The following RGS22 variants were observed in gnomAD, a reference collection of about 807,000 sequenced individuals.
RGS22 encodes the protein regulator of G protein signaling 22, also known as regulator of G-protein signaling 22.
Under a neutral mutation model 172.9 loss-of-function variants are expected in RGS22, and 148 were observed. The observed-to-expected ratio is 0.86, with a 90% CI of 0.75 to 0.98. RGS22 has a LOEUF of 0.98. RGS22 is among the 50% of genes least tolerant of loss of function. The pLI is 0.00. For missense variants in RGS22, 1,347 were observed against 1,440.8 expected, an observed-to-expected ratio of 0.93 and a Z score of 1.05; for synonymous variants, 458 against 480.2, an observed-to-expected ratio of 0.95 and a Z score of 0.60.
intron 14 of RGS22, among the ~76,000 whole-genome samples, chr8:100,021,365 T>C (rs772069059): frequency 6.6e-6 from 1 of 152,208 alleles, no homozygotes; most frequent in Non-Finnish European, 1.5e-5. Flanking sequence ...TTCTGAATAG[T>C]CCTTATTTAG....
At position 100,051,675 on chromosome 8, in the gene RGS22, GTTTATACATATATATATT is replaced by G. The variant is rs1563670409; in HGVS notation, c.1689+1109_1689+1126del. Among the ~76,000 whole-genome samples, 49 of 17,676 alleles carry G rather than the reference GTTTATACATATATATATT, an allele frequency of 2.8e-3. 17 individuals carry two copies. Among genetic ancestry groups the G allele is most frequent in the East Asian group, 9.2e-3 (4 of 436 alleles). The allele number at this position is 17,676 out of a possible 152,430, so 11.6% of individuals were successfully genotyped here. A position where few individuals can be genotyped will look rare whatever the true frequency, so the allele number is the denominator to read the frequency against. Reference sequence around the variant, plus strand: ...CATATATAAATATATATTTATATATGTTTATACATATATATATTTATATATACGTATATATAAATATAT... The same window carrying G: ...CATATATAAATATATATTTATATATGTATATATACGTATATATAAATATAT... On this transcript the variant is annotated intron_variant, in intron 10 of 27. Coordinates refer to ENST00000360863, the MANE Select transcript of RGS22 (RefSeq NM_015668.5).
chr8:100,060,515 A>C (rs1810047315), intron 9 of RGS22, among the ~76,000 whole-genome samples: 1 of 150,736 alleles, frequency 6.6e-6, no homozygotes, highest in Non-Finnish European at 1.5e-5. Context: ...TGACAGCCAA[A>C]TCAGGAACAT....
intron 23 of RGS22, among the ~76,000 whole-genome samples, chr8:99,977,652 A>G (rs887014568): frequency 1.3e-5 from 2 of 152,180 alleles, no homozygotes; most frequent in Admixed American, 1.3e-4. Flanking sequence ...ATGTTCTACA[A>G]GGTGGAGGAA....
chr8:100,053,194 T>C (rs533808205), intron 9 of RGS22, among the ~76,000 whole-genome samples: 1 of 152,192 alleles, frequency 6.6e-6, no homozygotes, highest in East Asian at 1.9e-4. Flanking sequence ...AAAAAGGCAA[T>C]ATACATTGGG....
At chr8:100,084,784 T>A (rs1812042721) in intron 3 of RGS22, among the ~76,000 whole-genome samples, 1 of 152,206 alleles carries the variant, frequency 6.6e-6, no homozygotes, top group Non-Finnish European at 1.5e-5. Context: ...ATTATTGCCC[T>A]AAACCTAGAG....
At chr8:100,083,830 CT>C (rs59603032) in intron 3 of RGS22, among the ~76,000 whole-genome samples, 29,067 of 126,158 alleles carry the variant, frequency 0.23, 3,221 homozygotes, top group African/African-American at 0.45. Flanking sequence ...AATTTCTTTT[CT>C]TTTTTTTTTT....
chr8:100,062,351 A>G (rs1439287726), intron 9 of RGS22, among the ~76,000 whole-genome samples: 1 of 152,180 alleles, frequency 6.6e-6, no homozygotes, highest in African/African-American at 2.4e-5. Context: ...TGCTGAAAAA[A>G]AAAAAGAATA....
At chr8:100,084,700 G>T (rs1488975698) in intron 3 of RGS22, among the ~76,000 whole-genome samples, 1 of 152,108 alleles carries the variant, frequency 6.6e-6, no homozygotes, top group Non-Finnish European at 1.5e-5. Flanking sequence ...GATAAAAGTG[G>T]CAAACAACTG....
chr8:100,009,424 C>CAAA (rs1238317237), intron 14 of RGS22, among the ~76,000 whole-genome samples: 15 of 45,664 alleles, frequency 3.3e-4, no homozygotes, highest in East Asian at 2.8e-3. Flanking sequence ...GACTCCACCT[C>CAAA]AAAAAAAAAA....
rs1273616963 is a variant in RGS22, at chr8:100,105,975, C to T, written c.-54G>A. ...CGCGCGGGCCGTCAGGGCCCTAGCGCGCGGGTCCAGCGCGGGTCAGGGCCT... is the reference window on the plus strand; with the variant it reads ...CGCGCGGGCCGTCAGGGCCCTAGCGTGCGGGTCCAGCGCGGGTCAGGGCCT... On this transcript the variant is annotated 5_prime_UTR_variant, in exon 1 of 28. Coordinates refer to ENST00000360863, the MANE Select transcript of RGS22 (RefSeq NM_015668.5). 1.5e-6 allele frequency: 2 copies of T among 1,366,592 alleles called. No individual in the cohort carries two copies. The highest frequency in any genetic ancestry group is 3.9e-5 in the Admixed American group (1 of 25,730). The allele number at this position is 1,366,592 out of a possible 1,614,324, so 84.7% of individuals were successfully genotyped here.
chr8:100,036,351 T>C (rs1250019961), intron 14 of RGS22, among the ~76,000 whole-genome samples: 1 of 152,190 alleles, frequency 6.6e-6, no homozygotes, highest in Non-Finnish European at 1.5e-5. Context: ...AGCCATGTGG[T>C]GAAATCTTCA....
intron 3 of RGS22, among the ~76,000 whole-genome samples, chr8:100,089,808 T>G (rs991201294): frequency 6.6e-6 from 1 of 152,110 alleles, no homozygotes; most frequent in African/African-American, 2.4e-5. Flanking sequence ...AAGACCAGAT[T>G]CTCTTATCCA....
chr8:100,011,676 C>T (rs904688038), intron 14 of RGS22, among the ~76,000 whole-genome samples: 17 of 152,312 alleles, frequency 1.1e-4, no homozygotes, highest in African/African-American at 3.8e-4. Flanking sequence ...GGACTAGATA[C>T]TGACTCCAGC....
chr8:100,045,374 C>T (rs961597833), intron 11 of RGS22, among the ~76,000 whole-genome samples: 1 of 152,124 alleles, frequency 6.6e-6, no homozygotes, highest in South Asian at 2.1e-4. Flanking sequence ...GAGCATTCAC[C>T]TAGGAAGCAC....
intron 4 of RGS22, among the ~76,000 whole-genome samples, chr8:100,079,642 A>C (rs1036002963): frequency 6.6e-6 from 1 of 152,180 alleles, no homozygotes; most frequent in South Asian, 2.1e-4. Flanking sequence ...CAGAGTCAGT[A>C]AGCAGAGGAG....
At position 100,017,946 on chromosome 8, in the gene RGS22, T is replaced by C. The variant is rs193108779; in HGVS notation, c.2167-9377A>G. On this transcript the variant is annotated intron_variant, in intron 14 of 27. Transcript: ENST00000360863. ...ACTCTGATTCACATTCAAGCAGAGA[T>C]TCACTCACACACAGCTGTGGCCAAC... Among the ~76,000 whole-genome samples, 178 of 152,264 alleles carry C rather than the reference T, an allele frequency of 1.2e-3. 1 individual carries two copies. Among genetic ancestry groups the C allele is most frequent in the Middle Eastern group, 3.4e-3 (1 of 294 alleles).
chr8:100,046,783 C>A (rs1032455933), intron 11 of RGS22, among the ~76,000 whole-genome samples: 2 of 151,582 alleles, frequency 1.3e-5, no homozygotes, highest in African/African-American at 4.9e-5. Flanking sequence ...TTACGAGAGT[C>A]AAAGACACTG....
Position 100,004,032 on chromosome 8 carries a change from A to G in RGS22, c.2521T>C (p.Trp841Arg). Residue 841 changes from tryptophan to arginine, a missense_variant, in exon 17 of 28, where the codon TGG becomes CGG. Physicochemically the swap from Trp to Arg is moderately radical, Grantham distance 101 (BLOSUM62 -3). Coordinates refer to ENST00000360863, the MANE Select transcript of RGS22 (RefSeq NM_015668.5). ...LSNVSKRTEY[W>R]DNVPAEYKHF... The stretch of plus-strand genomic sequence containing the variant: ...TTGTATTCTGCAGGAACATTATCCC[A>G]ATATTCTGTTCGTTTAGAGACGTTA... The G allele has an allele frequency of 6.2e-7, 1 of 1,612,308 alleles. No individual in the cohort carries two copies.
Position 99,996,469 on chromosome 8 carries a change from A to T in RGS22, c.3011T>A (p.Val1004Asp). ...LLQKAEKKIG[V>D]WKPVESKWIS... is the part of the protein sequence containing the mutation. ...ATAACAAACATTACTTGCCTTCCAG[A>T]CCCCGATTTTCTTTTCAGCCTTCTG... is the stretch of plus-strand genomic sequence containing the variant. The change falls in exon 20 of 28, where the codon GTC (valine) becomes GAC (aspartate). Residue 1004 changes from valine (V) to aspartate (D), a missense_variant. Physicochemically the swap from Val to Asp is radical, Grantham distance 152 (BLOSUM62 -3). Coordinates refer to ENST00000360863, the MANE Select transcript of RGS22 (RefSeq NM_015668.5). The T allele has an allele frequency of 6.2e-7, 1 of 1,612,964 alleles. No homozygotes were observed. The highest frequency in any genetic ancestry group is 8.5e-7 in the Non-Finnish European group (1 of 1,179,208).
Sources: allele counts gnomAD v4.1 joint callset (sites outside exome capture counted in the v4.1 genomes callset), GRCh38; gene constraint gnomAD v4.1.1; transcripts MANE v1.5; gene names NCBI Gene and HGNC (gene_info 2026-07-23, HGNC 2026-07-21).